The following CCDC134 variants were observed in gnomAD, a reference collection of about 807,000 sequenced individuals.
The protein encoded by CCDC134 is coiled-coil domain-containing protein 134.
Under a neutral mutation model 25.6 loss-of-function variants are expected in CCDC134, and 27 were observed. The ratio of observed to expected loss-of-function variants is 1.05; its 90% CI spans 0.78 to 1.45. CCDC134 has a LOEUF of 1.45. Ranked by LOEUF, CCDC134 falls within the 40% of genes most tolerant of loss-of-function variation. CCDC134 has a pLI of 0.00. For missense variants in CCDC134, 261 were observed against 286.7 expected (o/e 0.91, Z 0.65); for synonymous variants, 110 against 115.0 (o/e 0.96, Z 0.28).
chr22:41,807,517 G>T (rs985077415), intron 1 of CCDC134, among the ~76,000 whole-genome samples: 2 of 150,454 alleles, frequency 1.3e-5, no homozygotes, highest in African/African-American at 4.9e-5. Context: ...AGCCATGACT[G>T]TGCCACTGCA....
At chr22:41,814,733 G>A (rs1297479626) in intron 6 of CCDC134, among the ~76,000 whole-genome samples, 2 of 152,122 alleles carry the variant, frequency 1.3e-5, no homozygotes, top group African/African-American at 4.8e-5. Flanking sequence ...ATTTAATTCT[G>A]CCTCCAGGCC....
At chr22:41,820,059 G>A (rs1000095886) in intron 6 of CCDC134, among the ~76,000 whole-genome samples, 8 of 146,392 alleles carry the variant, frequency 5.5e-5, no homozygotes, top group African/African-American at 7.7e-5. Flanking sequence ...GCAGTGGCGC[G>A]ATCTTGGCTC....
intron 6 of CCDC134, among the ~76,000 whole-genome samples, chr22:41,822,606 C>T (rs960634765): frequency 1.3e-5 from 2 of 152,162 alleles, no homozygotes; most frequent in Non-Finnish European, 2.9e-5. Flanking sequence ...GGGTGTGTTT[C>T]TCTTCTGACC....
chr22:41,809,609 C>T (rs938976657), intron 2 of CCDC134, among the ~76,000 whole-genome samples: 4 of 152,108 alleles, frequency 2.6e-5, no homozygotes, highest in African/African-American at 4.8e-5. Context: ...CTTGTGGAGA[C>T]GGCAGGAAGA....
chr22:41,810,416 G>A, intron 4 of CCDC134, 125 bp downstream of exon 4: 1 of 792,594 alleles, frequency 1.3e-6, no homozygotes, highest in Non-Finnish European at 2.0e-6. Flanking sequence ...CCTTCTAAGT[G>A]GTCCCCTTGG....
rs957556752 is a variant in CCDC134 at position 41,814,562 on chromosome 22, C to T, written c.564+740C>T. ...AGCCTGGGCAACATGAGTGAAACTCCGTATCAAAAAAAAAAAAGGGGGGAC... is the reference window on the plus strand; with the variant it reads ...AGCCTGGGCAACATGAGTGAAACTCTGTATCAAAAAAAAAAAAGGGGGGAC... On this transcript the variant is annotated intron_variant, in intron 6 of 6. Transcript: ENST00000255784. Among the ~76,000 whole-genome samples the T allele has an allele frequency of 4.0e-5, 6 of 148,990 alleles. No homozygotes were observed. In the South Asian group the frequency reaches 6.3e-4, roughly 16 times the overall value.
In CCDC134 at chr22:41,829,597, T is replaced by A. The variant is rs1226554146; in HGVS notation, c.*3774T>A. ...ATATCTGAACTGAATCCTGAAAGAT[T>A]AGGGGAAGAGGAAGAAAAGGACAGG... is the stretch of plus-strand genomic sequence containing the variant. On this transcript the variant is annotated 3_prime_UTR_variant, in exon 7 of 7. Transcript: ENST00000255784. 6.6e-6 allele frequency among the ~76,000 whole-genome samples: 1 copy of A among 152,082 alleles called. No individual in the cohort carries two copies. The highest frequency in any genetic ancestry group is 1.5e-5 in the Non-Finnish European group (1 of 68,016).
chr22:41,813,178 G>A (rs2076605175), intron 4 of CCDC134, 86 bp from the exon 5 acceptor site: 3 of 1,368,492 alleles, frequency 2.2e-6, no homozygotes, highest in Middle Eastern at 2.0e-4. Context: ...TTTGGTGGAT[G>A]TCTCTGTTCT....
intron 6 of CCDC134, among the ~76,000 whole-genome samples, chr22:41,817,692 A>G (rs574466159): frequency 6.6e-6 from 1 of 151,934 alleles, no homozygotes; most frequent in Non-Finnish European, 1.5e-5. Context: ...AGATTGCACC[A>G]CTGCACTCCA....
intron 6 of CCDC134, among the ~76,000 whole-genome samples, chr22:41,824,571 C>A (rs1443896775): frequency 6.6e-6 from 1 of 152,114 alleles, no homozygotes; most frequent in East Asian, 1.9e-4. Flanking sequence ...ACTAGCCTGG[C>A]CAACATAGCG....
At chr22:41,814,883 A>G (rs554252927) in intron 6 of CCDC134, among the ~76,000 whole-genome samples, 31 of 152,314 alleles carry the variant, frequency 2.0e-4, no homozygotes, top group African/African-American at 7.0e-4. Context: ...GGTGACACAG[A>G]GGGGCCAGGT....
At chr22:41,820,366 C>G (rs529529001) in intron 6 of CCDC134, among the ~76,000 whole-genome samples, 11 of 152,102 alleles carry the variant, frequency 7.2e-5, no homozygotes, top group Non-Finnish European at 1.5e-4. Context: ...ATGGTGCGAT[C>G]TTGGCTCACC....
chr22:41,816,555 G>A (rs940676206), intron 6 of CCDC134, among the ~76,000 whole-genome samples: 1 of 152,212 alleles, frequency 6.6e-6, no homozygotes, highest in Non-Finnish European at 1.5e-5. Context: ...GGATTGTTTT[G>A]CCAGGTGGCA....
intron 1 of CCDC134, 65 bp from the exon 2 acceptor site, chr22:41,808,809 GT>G: frequency 7.8e-7 from 1 of 1,275,424 alleles, no homozygotes; most frequent in Non-Finnish European, 1.1e-6. Flanking sequence ...CTGTTCACCT[GT>G]GCACTCTATT....
intron 1 of CCDC134, among the ~76,000 whole-genome samples, chr22:41,806,897 A>G (rs1033001013): frequency 1.1e-4 from 16 of 152,096 alleles, no homozygotes; most frequent in Non-Finnish European, 1.9e-4. Context: ...AAATACAAAA[A>G]TTAGCTGTGT....
intron 6 of CCDC134, among the ~76,000 whole-genome samples, chr22:41,823,477 C>T (rs1052498610): frequency 6.0e-5 from 9 of 148,864 alleles, no homozygotes; most frequent in Non-Finnish European, 8.9e-5. Flanking sequence ...CTGCCCACCT[C>T]AGTTTCCCAA....
intron 1 of CCDC134, among the ~76,000 whole-genome samples, chr22:41,801,384 G>A (rs2076542875): frequency 6.6e-6 from 1 of 152,110 alleles, no homozygotes; most frequent in Non-Finnish European, 1.5e-5. Context: ...TGGGGCAGGT[G>A]TCCTGGTAGT....
chr22:41,809,068 A>C lies in CCDC134; in HGVS notation c.103+75A>C. The C allele has an allele frequency of 2.5e-6, 3 of 1,220,036 alleles. No homozygotes were observed. In the South Asian group the frequency reaches 3.9e-5, roughly 16 times the overall value. The allele number at this position is 1,220,036 out of a possible 1,614,324, so 75.6% of individuals were successfully genotyped here. On this transcript the variant is annotated intron_variant, in intron 2 of 6. Transcript: ENST00000255784. ...TGAGGTTCTTCTACTCAGGGATTCC[A>C]GGGATAAGCAGGCCCAGCTGGCGGG... is the stretch of plus-strand genomic sequence containing the variant.
At chr22:41,806,911 G>A (rs2076570239) in intron 1 of CCDC134, among the ~76,000 whole-genome samples, 1 of 152,256 alleles carries the variant, frequency 6.6e-6, no homozygotes, top group African/African-American at 2.4e-5. Flanking sequence ...GCTGTGTGTG[G>A]TGGCAGGCAA....
Sources: gnomAD v4.1 joint callset for allele counts (sites outside exome capture counted in the v4.1 genomes callset) on GRCh38, gnomAD v4.1.1 for gene constraint, MANE v1.5 for transcripts, NCBI Gene and HGNC (gene_info 2026-07-23, HGNC 2026-07-21) for gene names.